ARHGEF28: variants seen among roughly 807,000 people sequenced by gnomAD.
ARHGEF28 encodes the protein Rho guanine nucleotide exchange factor 28.
A neutral mutation model predicts 206.6 loss-of-function variants in ARHGEF28; 152 were observed. The ratio of observed to expected loss-of-function variants is 0.74; its 90% CI spans 0.64 to 0.84. The LOEUF (loss-of-function observed/expected upper bound fraction) is 0.84, where lower values mean the gene tolerates loss of function less well. ARHGEF28 is among the 40% of genes least tolerant of loss of function. ARHGEF28 has a pLI of 0.00. For missense variants in ARHGEF28, 2,028 were observed against 2,073.2 expected (o/e 0.98, Z 0.42); for synonymous variants, 763 against 776.4 (o/e 0.98, Z 0.29).
chr5:73,722,183 T>C (rs1412901961), intron 2 of ARHGEF28, among the ~76,000 whole-genome samples: 1 of 151,044 alleles, frequency 6.6e-6, no homozygotes, highest in East Asian at 1.9e-4. Flanking sequence ...TCGTCGTGAA[T>C]ATGTAACAAT....
At chr5:73,697,354 G>A (rs1379037509) in intron 2 of ARHGEF28, among the ~76,000 whole-genome samples, 1 of 152,144 alleles carries the variant, frequency 6.6e-6, no homozygotes, top group Non-Finnish European at 1.5e-5. Context: ...AAATCATTAT[G>A]TTAATCTGTT....
intron 2 of ARHGEF28, among the ~76,000 whole-genome samples, chr5:73,708,351 C>T (rs965348125): frequency 1.3e-5 from 2 of 152,144 alleles, no homozygotes; most frequent in Non-Finnish European, 2.9e-5. Flanking sequence ...TTACCTCCCT[C>T]CCTTTCTCCC....
chr5:73,632,959 T>G (rs181523750), intron 1 of ARHGEF28, among the ~76,000 whole-genome samples: 2 of 152,046 alleles, frequency 1.3e-5, no homozygotes, highest in Admixed American at 1.3e-4. Context: ...CACCATAATG[T>G]AGAATCAGTG....
At chr5:73,866,859 G>A (rs1361514480) in intron 18 of ARHGEF28, among the ~76,000 whole-genome samples, 2 of 152,112 alleles carry the variant, frequency 1.3e-5, no homozygotes, top group African/African-American at 2.4e-5. Context: ...TTAAGTGCAT[G>A]GTAACTTTTC....
intron 1 of ARHGEF28, among the ~76,000 whole-genome samples, chr5:73,675,743 A>G (rs548037574): frequency 2.4e-4 from 36 of 151,384 alleles, no homozygotes; most frequent in Admixed American, 4.0e-4. Context: ...AAAAAAAAAA[A>G]AAAAAAAAAA....
intron 12 of ARHGEF28, among the ~76,000 whole-genome samples, chr5:73,847,111 AT>A (rs1166971779): frequency 4.0e-5 from 6 of 151,598 alleles, no homozygotes; most frequent in Admixed American, 6.6e-5. Flanking sequence ...GTTTGAACAG[AT>A]TTTTTTTCCC....
intron 25 of ARHGEF28, 149 bp downstream of exon 25, chr5:73,886,253 A>C: frequency 9.5e-7 from 1 of 1,057,372 alleles, no homozygotes; most frequent in Admixed American, 3.5e-5. Context: ...GAATTTCAAT[A>C]GGCAAATTTG....
At chr5:73,720,043 G>A (rs928105887) in intron 2 of ARHGEF28, among the ~76,000 whole-genome samples, 13 of 152,350 alleles carry the variant, frequency 8.5e-5, no homozygotes, top group Admixed American at 7.2e-4. Flanking sequence ...GCTTGTTGCC[G>A]CAGAGGCGAA....
rs114281446 is a variant in ARHGEF28, at chr5:73,772,888, G to A, written c.476-967G>A. 9.4e-3 allele frequency among the ~76,000 whole-genome samples: 1,437 copies of A among 152,186 alleles called. 29 individuals carry two copies. Among genetic ancestry groups the A allele is most frequent in the African/African-American group, 0.033 (1,364 of 41,510 alleles). On this transcript the variant is annotated intron_variant, in intron 4 of 35. Coordinates refer to ENST00000513042, the MANE Select transcript of ARHGEF28 (RefSeq NM_001177693.2). Reference sequence around the variant, plus strand: ...TCATTTGCCTGGGCAAGTGGCTCCTGGAATAGTAAAATTGTGCTAATGAAG... The same window carrying A: ...TCATTTGCCTGGGCAAGTGGCTCCTAGAATAGTAAAATTGTGCTAATGAAG...
chr5:73,835,063 A>AT (rs767647217), intron 10 of ARHGEF28: 1 of 152,102 alleles, frequency 6.6e-6, no homozygotes, highest in African/African-American at 2.4e-5. Flanking sequence ...CAGGATTGGG[A>AT]TTTTCAGCTC....
At chr5:73,823,746 C>A (rs1756731573) in intron 9 of ARHGEF28, among the ~76,000 whole-genome samples, 1 of 152,142 alleles carries the variant, frequency 6.6e-6, no homozygotes, top group African/African-American at 2.4e-5. Context: ...ATACCATTTT[C>A]TTTGGTTCAA....
intron 35 of ARHGEF28, among the ~76,000 whole-genome samples, chr5:73,924,641 T>C (rs1006909054): frequency 2.6e-5 from 4 of 152,220 alleles, no homozygotes; most frequent in Non-Finnish European, 5.9e-5. Flanking sequence ...CATTTGGGTA[T>C]CACATGAATC....
chr5:73,816,774 G>A (rs1756238253), intron 9 of ARHGEF28, among the ~76,000 whole-genome samples: 1 of 152,222 alleles, frequency 6.6e-6, no homozygotes, highest in Admixed American at 6.5e-5. Context: ...GGAGCATGAT[G>A]AAAGCAGTTA....
At chr5:73,778,092 A>AG (rs60369796) in intron 6 of ARHGEF28, 1 of 150,974 alleles carries the variant, frequency 6.6e-6, no homozygotes, top group Non-Finnish European at 1.5e-5. Flanking sequence ...AAAAAAAAAA[A>AG]TGCTACTCAA....
intron 9 of ARHGEF28, among the ~76,000 whole-genome samples, chr5:73,808,287 C>T (rs951784097): frequency 6.6e-6 from 1 of 152,110 alleles, no homozygotes; most frequent in African/African-American, 2.4e-5. Context: ...TCAGAATTCA[C>T]ACCTCGGGGT....
chr5:73,828,834 T>A (rs1757104410), intron 9 of ARHGEF28, among the ~76,000 whole-genome samples: 1 of 152,030 alleles, frequency 6.6e-6, no homozygotes, highest in African/African-American at 2.4e-5. Context: ...TTTTCTTCTT[T>A]GAGACAGGGT....
intron 9 of ARHGEF28, among the ~76,000 whole-genome samples, chr5:73,827,781 A>G (rs1757004942): frequency 6.6e-6 from 1 of 151,680 alleles, no homozygotes; most frequent in African/African-American, 2.4e-5. Flanking sequence ...CAACAAAACT[A>G]TAATGTTAAT....
chr5:73,738,517 G>A (rs573713104), intron 2 of ARHGEF28, among the ~76,000 whole-genome samples: 85 of 144,762 alleles, frequency 5.9e-4, no homozygotes, highest in Middle Eastern at 3.5e-3. Flanking sequence ...GTGTGTGTGT[G>A]TATGTATGTG....
At chr5:73,643,589 C>T (rs184600264) in intron 1 of ARHGEF28, among the ~76,000 whole-genome samples, 188 of 152,074 alleles carry the variant, frequency 1.2e-3, no homozygotes, top group Non-Finnish European at 1.5e-3. Context: ...CCAAGGCAGG[C>T]GGATCGCTTG....
Sources: gnomAD v4.1 joint callset for allele counts (sites outside exome capture counted in the v4.1 genomes callset) on GRCh38, gnomAD v4.1.1 for gene constraint, MANE v1.5 for transcripts, NCBI Gene and HGNC (gene_info 2026-07-23, HGNC 2026-07-21) for gene names.